BCORL1: variants seen among roughly 807,000 people sequenced by gnomAD.
BCORL1 encodes the protein BCL6 corepressor like 1, also known as BCL-6 corepressor-like protein 1.
BCORL1 carries 7 observed loss-of-function variants against 87.6 expected under a neutral mutation model. That is an observed-to-expected ratio of 0.08 (90% CI 0.05 to 0.15). BCORL1 has a LOEUF of 0.15. Among genes scored for constraint, BCORL1 ranks in the 10% least tolerant of loss-of-function variants. The probability of loss-of-function intolerance (pLI) is 1.00; values close to 1 mark genes in which losing one functional copy is unlikely to be tolerated. For synonymous variants in BCORL1, 591 were observed against 634.4 expected, an observed-to-expected ratio of 0.93 and a Z score of 1.03; for missense variants, 1,215 against 1,499.7, an observed-to-expected ratio of 0.81 and a Z score of 3.13.
At position 130,043,768 on chromosome X, in the gene BCORL1, ATATATATATATATATATTT is replaced by A. The variant is rs1162728500; in HGVS notation, c.4840+4488_4840+4506del. On this transcript the variant is annotated intron_variant, in intron 11 of 13. Transcript: ENST00000540052. The stretch of plus-strand genomic sequence containing the variant: ...TTGTTATATATATATATATATATAT[ATATATATATATATATATTT>A]TTTTTTTTTTTTTTTTTTGAGACGG... Among the ~76,000 whole-genome samples the A allele has an allele frequency of 5.7e-4, 10 of 17,691 alleles. 1 individual carries two copies. Among genetic ancestry groups the A allele is most frequent in the Admixed American group, 2.7e-3 (3 of 1,113 alleles). The allele number at this position is 17,691 out of a possible 115,157, so 15.4% of individuals were successfully genotyped here.
Position 130,014,533 on chromosome X carries a change from C to T in BCORL1, c.1761C>T (p.Thr587=), listed in dbSNP as rs780557104. 4 of 1,211,626 alleles carry T rather than the reference C, an allele frequency of 3.3e-6. No homozygotes were observed. The highest frequency in any genetic ancestry group is 2.2e-5 in the Admixed American group (1 of 46,034). Residue 587 remains threonine (T), a synonymous_variant, in exon 4 of 14, where the codon ACC becomes ACT. Coordinates refer to ENST00000540052, the MANE Select transcript of BCORL1 (RefSeq NM_001379451.1). The stretch of plus-strand genomic sequence containing the variant: ...ACCCCGCCAAGATGCCCAGTGGCAC[C>T]GAGCAGCAAACAGAAGGGACTTCCG... The part of the protein sequence containing the change: ...PPHPAKMPSG[T]EQQTEGTSVT...
intron 2 of BCORL1, among the ~76,000 whole-genome samples, chrX:130,008,925 A>C (rs772300401): frequency 8.9e-6 from 1 of 112,068 alleles, no homozygotes; most frequent in African/African-American, 3.2e-5. Context: ...CCCTTCTAGG[A>C]TTAATTCATG....
intron 1 of BCORL1, among the ~76,000 whole-genome samples, chrX:129,989,878 C>T (rs777487220): frequency 4.6e-5 from 5 of 109,066 alleles, no homozygotes; most frequent in Admixed American, 2.0e-4. Flanking sequence ...CTCCACCTCC[C>T]GGCTTCAAGC....
intron 4 of BCORL1, among the ~76,000 whole-genome samples, chrX:130,019,844 G>A (rs1239704049): frequency 1.8e-5 from 2 of 111,998 alleles, no homozygotes; most frequent in African/African-American, 6.5e-5. Context: ...TGCTTATTCT[G>A]CACTCCCTGC....
At position 130,055,854 on chromosome X, in the gene BCORL1, G is replaced by A; in HGVS notation, c.5076G>A (p.Gly1692=). 8.3e-7 allele frequency: 1 copy of A among 1,199,498 alleles called. No homozygotes were observed. The change falls in exon 14 of 14, where the codon GGG becomes GGA. Residue 1692 remains glycine (G), a splice_region_variant and synonymous_variant. Transcript: ENST00000540052. Reference sequence around the variant, plus strand: ...ATAACTCCCATCCTTGCCTTTGCAGGCCCTGCAACTGGTTCCTCTTTTCCG... The same window carrying A: ...ATAACTCCCATCCTTGCCTTTGCAGACCCTGCAACTGGTTCCTCTTTTCCG... ...CYNLQVSVSR[G]PCNWFLFSDV...
At position 130,005,332 on chromosome X, in the gene BCORL1, AAGGTGGCC is replaced by A. The variant is rs781631018; in HGVS notation, c.86+16_86+23del. ...AACGAGGAGAGGTGAGGAGGCCAGG[AAGGTGGCC>A]GCTGCTGGCCTCCAGTGAGCAGTAC... On this transcript the variant is annotated intron_variant, in intron 2 of 13. Coordinates refer to ENST00000540052, the MANE Select transcript of BCORL1 (RefSeq NM_001379451.1). 2.5e-6 allele frequency: 3 copies of A among 1,199,887 alleles called. No homozygotes were observed. Among genetic ancestry groups the A allele is most frequent in the Admixed American group, 4.3e-5 (2 of 45,991 alleles).
chrX:130,008,443 A>G (rs1206023583), intron 2 of BCORL1, among the ~76,000 whole-genome samples: 1 of 110,450 alleles, frequency 9.1e-6, no homozygotes, highest in Non-Finnish European at 1.9e-5. Context: ...TTGTATTTTT[A>G]GTAGAGACGG....
chrX:130,044,070 C>T (rs1450334469), intron 11 of BCORL1, among the ~76,000 whole-genome samples: 1 of 105,322 alleles, frequency 9.5e-6, no homozygotes, highest in Non-Finnish European at 1.9e-5. Flanking sequence ...CACGCCTGGA[C>T]ATTTGTTGTA....
At chrX:129,984,386 G>T (rs868582521) in intron 1 of BCORL1, among the ~76,000 whole-genome samples, 8 of 108,913 alleles carry the variant, frequency 7.3e-5, no homozygotes, top group Non-Finnish European at 1.4e-4. Context: ...GAGCCGGGAC[G>T]ACGACGACGA....
intron 10 of BCORL1, among the ~76,000 whole-genome samples, chrX:130,038,485 CTTT>C (rs373182779): frequency 1.0e-5 from 1 of 99,827 alleles, no homozygotes. Context: ...TTGCCCCCAC[CTTT>C]TTTTTTTTTT....
chrX:130,045,100 C>G (rs1439184924), intron 11 of BCORL1, among the ~76,000 whole-genome samples: 2 of 112,033 alleles, frequency 1.8e-5, no homozygotes, highest in Non-Finnish European at 3.8e-5. Flanking sequence ...GGGCTTGGAG[C>G]GCCAAGCCAT....
intron 11 of BCORL1, among the ~76,000 whole-genome samples, chrX:130,048,448 G>A (rs919842656): frequency 8.9e-6 from 1 of 111,801 alleles, no homozygotes; most frequent in Non-Finnish European, 1.9e-5. Flanking sequence ...CATATTGGTT[G>A]AGCCATGTGT....
chrX:129,987,073 G>A (rs200038556), intron 1 of BCORL1, among the ~76,000 whole-genome samples: 1 of 111,586 alleles, frequency 9.0e-6, no homozygotes, highest in East Asian at 2.8e-4. Flanking sequence ...CCATGTAAGG[G>A]CCAGCTAAGG....
intron 2 of BCORL1, among the ~76,000 whole-genome samples, chrX:130,010,858 C>T (rs929698979): frequency 5.6e-5 from 6 of 107,917 alleles, no homozygotes; most frequent in South Asian, 8.4e-4. Flanking sequence ...ATTAGCCAGG[C>T]GTGGTGGAGC....
chrX:130,014,071 C>T lies in BCORL1; in HGVS notation c.1299C>T (p.Val433=), dbSNP rs1603111045. Residue 433 remains valine, a synonymous_variant, in exon 4 of 14, where the codon GTC becomes GTT. Transcript: ENST00000540052. ...CTCAGGCACCAGCTATGCAAAAAGT[C>T]CCCCTGTCCTTTCAGCCAGGGACAG... is the stretch of plus-strand genomic sequence containing the variant. ...PAAQAPAMQK[V]PLSFQPGTVL... 1 of 1,208,556 alleles carries T rather than the reference C, an allele frequency of 8.3e-7. No homozygotes were observed. Among genetic ancestry groups the T allele is most frequent in the Non-Finnish European group, 1.1e-6 (1 of 893,192 alleles).
intron 11 of BCORL1, among the ~76,000 whole-genome samples, chrX:130,046,569 C>T (rs942207447): frequency 5.6e-5 from 6 of 107,131 alleles, no homozygotes; most frequent in Non-Finnish European, 9.7e-5. Flanking sequence ...TTTTTTGAGA[C>T]GGAGTCTCGC....
rs1485278536 is a variant in BCORL1 at position 130,014,606 on chromosome X, G to A, written c.1834G>A (p.Ala612Thr). 1.3e-5 allele frequency: 16 copies of A among 1,211,469 alleles called. No individual in the cohort carries two copies. The highest frequency in any genetic ancestry group is 3.5e-5 in the African/African-American group (2 of 57,710). ...KSPPQLEREM[A>T]SPPECSEMPL... ...ACCGCCACAGCTGGAACGAGAGATG[G>A]CCTCTCCACCTGAGTGCAGCGAGAT... Residue 612 changes from alanine to threonine, a missense_variant, in exon 4 of 14, where the codon GCC (alanine) becomes ACC (threonine). By Grantham distance (58) the Ala-to-Thr change is moderately conservative. This residue lies in a region of BCORL1 where 861 missense variants were observed against 1,010.0 expected (regional missense o/e 0.85). Transcript: ENST00000540052.
At chrX:130,052,327 A>AT (rs1349722999) in intron 13 of BCORL1, among the ~76,000 whole-genome samples, 1 of 112,430 alleles carries the variant, frequency 8.9e-6, no homozygotes, top group Non-Finnish European at 1.9e-5. Flanking sequence ...TCTCTGGAAC[A>AT]TTTTTGTAGT....
At chrX:130,027,707 A>T (rs1220507009) in intron 7 of BCORL1, among the ~76,000 whole-genome samples, 2 of 112,389 alleles carry the variant, frequency 1.8e-5, no homozygotes, top group Non-Finnish European at 3.8e-5. Context: ...GTATTATCTT[A>T]TTTAATTCTC....
Sources: gnomAD v4.1 joint callset for allele counts (sites outside exome capture counted in the v4.1 genomes callset) on GRCh38, gnomAD v4.1.1 for gene constraint, gnomAD v4.1.1 regional missense constraint, MANE v1.5 for transcripts, NCBI Gene and HGNC (gene_info 2026-07-23, HGNC 2026-07-21) for gene names.